ADCY8: variants seen among roughly 807,000 people sequenced by gnomAD.
ADCY8 encodes adenylate cyclase 8.
A neutral mutation model predicts 119.7 loss-of-function variants in ADCY8; 51 were observed. The ratio of observed to expected loss-of-function variants is 0.43; its 90% CI spans 0.34 to 0.54. The LOEUF (loss-of-function observed/expected upper bound fraction) is 0.54. Ranked by LOEUF, ADCY8 falls within the 20% of genes least tolerant of loss-of-function variation. ADCY8 has a pLI of 0.03. For synonymous variants in ADCY8, 665 were observed against 651.0 expected, an observed-to-expected ratio of 1.02 and a Z score of -0.33; for missense variants, 1,383 against 1,598.8, an observed-to-expected ratio of 0.87 and a Z score of 2.30.
chr8:130,821,380 C>T lies in ADCY8; in HGVS notation c.2716G>A (p.Ala906Thr), dbSNP rs765905342. The T allele has an allele frequency of 2.5e-6, 4 of 1,613,404 alleles. No homozygotes were observed. The highest frequency in any genetic ancestry group is 2.2e-5 in the South Asian group (2 of 91,018). Residue 906 changes from alanine to threonine, a missense_variant, in exon 13 of 18, where the codon GCC becomes ACC. This residue lies in a region of ADCY8 where 928 missense variants were observed against 1,163.5 expected (regional missense o/e 0.80). Coordinates refer to ENST00000286355, the MANE Select transcript of ADCY8 (RefSeq NM_001115.3). ...GTKEVSLLLM[A>T]MFLLAVFYHG... ...TAGAACACAGCCAGGAGGAACATGGCCATCAGTAGCAGTGATACCTCCTTG... is the reference window on the plus strand; with the variant it reads ...TAGAACACAGCCAGGAGGAACATGGTCATCAGTAGCAGTGATACCTCCTTG...
intron 3 of ADCY8, among the ~76,000 whole-genome samples, chr8:130,944,187 T>A (rs1586593087): frequency 6.6e-6 from 1 of 152,206 alleles, no homozygotes; most frequent in East Asian, 1.9e-4. Context: ...ATGAGGAAAC[T>A]GAGGCTCAGA....
chr8:130,883,518 G>T (rs1321584417), intron 8 of ADCY8, among the ~76,000 whole-genome samples: 2 of 152,180 alleles, frequency 1.3e-5, no homozygotes, highest in Non-Finnish European at 2.9e-5. Context: ...AGCTCATTGG[G>T]AATGCTGTAT....
chr8:130,949,297 G>A (rs980912760), intron 3 of ADCY8, among the ~76,000 whole-genome samples: 24 of 152,058 alleles, frequency 1.6e-4, no homozygotes, highest in Non-Finnish European at 3.5e-4. Context: ...GGACGCGCTG[G>A]CTTGTTGAAT....
intron 11 of ADCY8, among the ~76,000 whole-genome samples, chr8:130,837,972 T>C (rs1420707786): frequency 6.6e-6 from 1 of 152,248 alleles, no homozygotes; most frequent in Non-Finnish European, 1.5e-5. Context: ...TTGGACTTGA[T>C]AATTTCTAAA....
At chr8:131,005,891 T>G (rs371318013) in intron 1 of ADCY8, among the ~76,000 whole-genome samples, 9 of 152,200 alleles carry the variant, frequency 5.9e-5, no homozygotes, top group African/African-American at 1.9e-4. Context: ...AAAACTTTGC[T>G]TCAGCTTACT....
intron 12 of ADCY8, among the ~76,000 whole-genome samples, chr8:130,830,588 C>T (rs1264499931): frequency 1.3e-5 from 2 of 152,160 alleles, no homozygotes; most frequent in South Asian, 4.1e-4. Context: ...CTCCTACACC[C>T]CTCATGTGTG....
At chr8:130,813,540 C>T (rs941062286) in intron 14 of ADCY8, among the ~76,000 whole-genome samples, 1 of 152,154 alleles carries the variant, frequency 6.6e-6, no homozygotes, top group Non-Finnish European at 1.5e-5. Flanking sequence ...AAAATTCATC[C>T]ATTGCTGTAG....
intron 1 of ADCY8, among the ~76,000 whole-genome samples, chr8:131,035,744 C>T (rs76912008): frequency 6.6e-6 from 1 of 152,248 alleles, no homozygotes; most frequent in African/African-American, 2.4e-5. Context: ...GAAACAGCTG[C>T]CAAGGTGTGC....
chr8:130,816,487 A>G (rs1371476030), intron 13 of ADCY8, among the ~76,000 whole-genome samples: 1 of 133,632 alleles, frequency 7.5e-6, no homozygotes, highest in Non-Finnish European at 1.5e-5. Context: ...GTGCAGTGGC[A>G]CTATCTCAGC....
intron 12 of ADCY8, among the ~76,000 whole-genome samples, chr8:130,823,585 A>G (rs867798901): frequency 6.6e-6 from 1 of 152,148 alleles, no homozygotes; most frequent in South Asian, 2.1e-4. Context: ...TTAAGTGAAA[A>G]CCCATGTAGC....
chr8:131,014,611 T>C (rs887718683), intron 1 of ADCY8, among the ~76,000 whole-genome samples: 3 of 152,192 alleles, frequency 2.0e-5, no homozygotes, highest in African/African-American at 4.8e-5. Context: ...AGCCTCACCA[T>C]AGTGCTTGCA....
chr8:130,995,028 C>T (rs1302151458), intron 1 of ADCY8, among the ~76,000 whole-genome samples: 1 of 152,160 alleles, frequency 6.6e-6, no homozygotes, highest in African/African-American at 2.4e-5. Context: ...ACTAACATTT[C>T]ACACTGGCTA....
intron 1 of ADCY8, among the ~76,000 whole-genome samples, chr8:131,005,818 G>T (rs1157492223): frequency 6.6e-6 from 1 of 152,140 alleles, no homozygotes; most frequent in Non-Finnish European, 1.5e-5. Context: ...AGTGGAAACA[G>T]CTTCCTCTGC....
At chr8:130,923,321 GA>G (rs1820371390) in intron 5 of ADCY8, among the ~76,000 whole-genome samples, 2 of 152,152 alleles carry the variant, frequency 1.3e-5, no homozygotes, top group African/African-American at 4.8e-5. Context: ...AAATAAAAAG[GA>G]AAGGAGGCTG....
At position 130,901,599 on chromosome 8, in the gene ADCY8, A is replaced by G. The variant is rs1465352453; in HGVS notation, c.1911+2173T>C. Among the ~76,000 whole-genome samples the G allele has an allele frequency of 3.9e-5, 6 of 152,260 alleles. No individual in the cohort carries two copies. In the East Asian group the frequency reaches 9.7e-4, roughly 25 times the overall value. On this transcript the variant is annotated intron_variant, in intron 7 of 17. Coordinates refer to ENST00000286355, the MANE Select transcript of ADCY8 (RefSeq NM_001115.3). ...TCTTGATCTCTTCCAGGGACAAATT[A>G]TGTCTCTGAATTGCACATATGGCTC...
Position 131,039,892 on chromosome 8 carries a change from T to G in ADCY8, c.442A>C (p.Ser148Arg), listed in dbSNP as rs1179965023. The G allele has an allele frequency of 6.2e-7, 1 of 1,613,746 alleles. No homozygotes were observed. The highest frequency in any genetic ancestry group is 1.1e-5 in the South Asian group (1 of 91,034). The change falls in exon 1 of 18, where the codon AGC becomes CGC. Residue 148 changes from serine (S) to arginine (R), a missense_variant. Physicochemically the swap from Ser to Arg is moderately radical, Grantham distance 110. Transcript: ENST00000286355. ...GTGGGGAAAATGACCCCTCGGTAGC[T>G]ATAGCCCCCATTAAGAAAGAAATCC... ...NSDFFLNGGY[S>R]YRGVIFPTLR...
At chr8:131,015,294 A>AT (rs1823435875) in intron 1 of ADCY8, among the ~76,000 whole-genome samples, 1 of 152,232 alleles carries the variant, frequency 6.6e-6, no homozygotes, top group Non-Finnish European at 1.5e-5. Flanking sequence ...AATAAAGCTG[A>AT]TTAAAAGGAG....
intron 8 of ADCY8, among the ~76,000 whole-genome samples, chr8:130,884,046 A>G (rs998909198): frequency 1.3e-4 from 10 of 79,112 alleles, no homozygotes; most frequent in Non-Finnish European, 2.0e-4. Context: ...CTCTGAATCC[A>G]CAACCCATTT....
intron 2 of ADCY8, among the ~76,000 whole-genome samples, chr8:130,973,961 G>A (rs899242941): frequency 6.6e-6 from 1 of 152,206 alleles, no homozygotes; most frequent in African/African-American, 2.4e-5. Context: ...TTGCTCAAGA[G>A]ACTCAACAAT....
Sources: allele counts gnomAD v4.1 joint callset (sites outside exome capture counted in the v4.1 genomes callset), GRCh38; gene constraint gnomAD v4.1.1; regional missense constraint gnomAD v4.1.1; transcripts MANE v1.5; gene names NCBI Gene and HGNC (gene_info 2026-07-23, HGNC 2026-07-21).